The following PTPRD variants were observed in gnomAD, a reference collection of about 807,000 sequenced individuals.
PTPRD encodes the protein receptor-type tyrosine-protein phosphatase delta.
PTPRD carries 34 observed loss-of-function variants against 214.5 expected under a neutral mutation model. The observed-to-expected ratio is 0.16, with a 90% CI of 0.12 to 0.21. The LOEUF is 0.21. PTPRD is among the 10% of genes least tolerant of loss of function. The pLI, the probability that PTPRD is intolerant of heterozygous loss-of-function variation, is 1.00. For missense variants in PTPRD, 2,545 were observed against 2,398.7 expected, an observed-to-expected ratio of 1.06 and a Z score of -1.27; for synonymous variants, 1,128 against 845.7, an observed-to-expected ratio of 1.33 and a Z score of -5.79.
chr9:9,827,317 C>A (rs1380481325), intron 5 of PTPRD, among the ~76,000 whole-genome samples: 1 of 152,056 alleles, frequency 6.6e-6, no homozygotes, highest in Non-Finnish European at 1.5e-5. Flanking sequence ...AGATATAGAC[C>A]AATGGAACAG....
At chr9:9,785,465 G>C (rs761690919) in intron 5 of PTPRD, among the ~76,000 whole-genome samples, 4 of 152,006 alleles carry the variant, frequency 2.6e-5, no homozygotes, top group Non-Finnish European at 4.4e-5. Context: ...AGTTTCTGTA[G>C]TCTTTATGCC....
chr9:9,857,589 G>A (rs188717241), intron 5 of PTPRD, among the ~76,000 whole-genome samples: 3 of 152,210 alleles, frequency 2.0e-5, no homozygotes, highest in Non-Finnish European at 4.4e-5. Flanking sequence ...AAATCATGGA[G>A]TCCATATTAC....
rs148359535 is a variant in PTPRD at position 8,659,489 on chromosome 9, G to C, written c.65-22645C>G. Among the ~76,000 whole-genome samples, 291 of 152,296 alleles carry C rather than the reference G, an allele frequency of 1.9e-3. 1 individual carries two copies. The highest frequency in any genetic ancestry group is 6.7e-3 in the African/African-American group (279 of 41,572). ...CTACTAAATAAAAACCAGTCAAGAG[G>C]AAAGGTTTCTAACCCTCTCCATCCA... is the stretch of plus-strand genomic sequence containing the variant. On this transcript the variant is annotated intron_variant, in intron 12 of 45. Coordinates refer to ENST00000381196, the MANE Select transcript of PTPRD (RefSeq NM_002839.4).
intron 10 of PTPRD, among the ~76,000 whole-genome samples, chr9:9,116,787 G>T (rs1280135679): frequency 1.3e-5 from 2 of 152,044 alleles, no homozygotes; most frequent in Admixed American, 1.3e-4. Context: ...AGAGGATCAA[G>T]TTCTTCAATT....
chr9:9,876,056 A>G (rs1447036509), intron 5 of PTPRD, among the ~76,000 whole-genome samples: 2 of 152,064 alleles, frequency 1.3e-5, no homozygotes, highest in East Asian at 1.9e-4. Context: ...AGGAAGGAAT[A>G]AAGGATAGTT....
At chr9:9,454,843 A>G (rs545597467) in intron 8 of PTPRD, among the ~76,000 whole-genome samples, 9 of 151,380 alleles carry the variant, frequency 5.9e-5, no homozygotes, top group Non-Finnish European at 1.0e-4. Flanking sequence ...ATATACATAT[A>G]TATATACACA....
chr9:10,431,886 T>G (rs951504296), intron 2 of PTPRD, among the ~76,000 whole-genome samples: 2 of 152,086 alleles, frequency 1.3e-5, no homozygotes, highest in African/African-American at 4.8e-5. Context: ...GGTGATTCCT[T>G]AGGGATCTAG....
chr9:9,248,906 C>G (rs1227482902), intron 9 of PTPRD, among the ~76,000 whole-genome samples: 1 of 152,046 alleles, frequency 6.6e-6, no homozygotes, highest in Non-Finnish European at 1.5e-5. Flanking sequence ...TCATGGAGCA[C>G]TCAGTACTAG....
intron 8 of PTPRD, among the ~76,000 whole-genome samples, chr9:9,540,328 A>T (rs2077325345): frequency 6.6e-6 from 1 of 151,770 alleles, no homozygotes; most frequent in South Asian, 2.1e-4. Context: ...AGGTAAAGAG[A>T]CATGATTTCT....
chr9:8,343,783 T>A (rs1854839991), intron 39 of PTPRD, among the ~76,000 whole-genome samples: 1 of 152,032 alleles, frequency 6.6e-6, no homozygotes, highest in Non-Finnish European at 1.5e-5. Context: ...ATGCAGTAAG[T>A]GCTCAACAGT....
Position 10,509,589 on chromosome 9 carries a change from C to G in PTPRD, c.-600+102809G>C, listed in dbSNP as rs185441957. Among the ~76,000 whole-genome samples, 30 of 67,394 alleles carry G rather than the reference C, an allele frequency of 4.5e-4. No homozygotes were observed. In the Middle Eastern group the frequency reaches 0.026, roughly 58 times the overall value. The allele number at this position is 67,394 out of a possible 152,430, so 44.2% of individuals were successfully genotyped here. On this transcript the variant is annotated intron_variant, in intron 2 of 45. Coordinates refer to ENST00000381196, the MANE Select transcript of PTPRD (RefSeq NM_002839.4). ...TATATATATATATATATTTTACTCA[C>G]TTACTTACTTTCTGGCATCACAAGA...
chr9:8,378,282 A>C (rs954814989), intron 37 of PTPRD, among the ~76,000 whole-genome samples: 3 of 152,124 alleles, frequency 2.0e-5, no homozygotes, highest in African/African-American at 7.2e-5. Flanking sequence ...TTGAAGGAGA[A>C]TACTGACGTA....
intron 5 of PTPRD, among the ~76,000 whole-genome samples, chr9:9,882,556 C>T (rs116519128): frequency 0.015 from 2,294 of 152,130 alleles, 53 homozygotes; most frequent in African/African-American, 0.053. Context: ...AATTAAATAA[C>T]CTTTCTGAAG....
At chr9:8,681,943 G>A (rs937069264) in intron 12 of PTPRD, among the ~76,000 whole-genome samples, 2 of 152,040 alleles carry the variant, frequency 1.3e-5, no homozygotes, top group African/African-American at 2.4e-5. Context: ...AACCGACTAC[G>A]GTAGGAGAAG....
At chr9:9,873,408 C>CA (rs111229928) in intron 5 of PTPRD, among the ~76,000 whole-genome samples, 78 of 148,982 alleles carry the variant, frequency 5.2e-4, no homozygotes, top group Middle Eastern at 6.9e-3. Context: ...CATCCATTTA[C>CA]AAAAAAAAAT....
At chr9:8,966,214 T>A (rs1438873332) in intron 11 of PTPRD, among the ~76,000 whole-genome samples, 1 of 152,006 alleles carries the variant, frequency 6.6e-6, no homozygotes, top group Non-Finnish European at 1.5e-5. Flanking sequence ...TCCTATCAAA[T>A]TTCCAACATC....
chr9:9,275,812 G>T (rs538526708), intron 9 of PTPRD, among the ~76,000 whole-genome samples: 13 of 150,442 alleles, frequency 8.6e-5, no homozygotes, highest in African/African-American at 2.4e-4. Flanking sequence ...AACAGTGAGC[G>T]AAACAGCTGT....
chr9:8,624,560 G>T (rs1056730116), intron 14 of PTPRD, among the ~76,000 whole-genome samples: 2 of 151,750 alleles, frequency 1.3e-5, no homozygotes, highest in South Asian at 4.1e-4. Context: ...GATAATAAAG[G>T]GAGAAGGAAG....
At chr9:9,812,843 T>C (rs1006417360) in intron 5 of PTPRD, among the ~76,000 whole-genome samples, 2 of 152,084 alleles carry the variant, frequency 1.3e-5, no homozygotes, top group Non-Finnish European at 2.9e-5. Context: ...TCTTCTCAAG[T>C]GTACGCAGAA....
Sources: gnomAD v4.1 joint callset for allele counts (sites outside exome capture counted in the v4.1 genomes callset) on GRCh38, gnomAD v4.1.1 for gene constraint, MANE v1.5 for transcripts, NCBI Gene and HGNC (gene_info 2026-07-23, HGNC 2026-07-21) for gene names.